The following RGS6 variants were observed in gnomAD, a reference collection of about 807,000 sequenced individuals.
RGS6 encodes the protein regulator of G protein signaling 6.
A neutral mutation model predicts 78.5 loss-of-function variants in RGS6; 30 were observed. The observed-to-expected ratio is 0.38, with a 90% confidence interval of 0.29 to 0.52. RGS6 has a LOEUF of 0.52. Among genes scored for constraint, RGS6 ranks in the 20% least tolerant of loss-of-function variants. RGS6 has a pLI of 0.85. For missense variants in RGS6, 495 were observed against 609.7 expected (o/e 0.81, Z 1.98); for synonymous variants, 206 against 206.0 (o/e 1.00, Z 0.00).
intron 2 of RGS6, chr14:72,022,319 A>C (rs186918226): frequency 2.0e-5 from 3 of 152,256 alleles, no homozygotes; most frequent in Admixed American, 6.5e-5. Context: ...GGGTCGAATG[A>C]TAGTTCTGCT....
chr14:72,518,605 A>G, intron 15 of RGS6, 68 bp downstream of exon 15: 1 of 1,445,592 alleles, frequency 6.9e-7, no homozygotes, highest in Non-Finnish European at 9.6e-7. Context: ...TGACCTATTA[A>G]CACAAGTTCA....
chr14:72,525,252 A>G (rs2097103340), intron 15 of RGS6, among the ~76,000 whole-genome samples: 1 of 152,242 alleles, frequency 6.6e-6, no homozygotes, highest in Non-Finnish European at 1.5e-5. Context: ...AGTCAAGAAA[A>G]GCAGGTTAAA....
intron 2 of RGS6, among the ~76,000 whole-genome samples, chr14:72,262,882 C>T (rs981180633): frequency 1.3e-5 from 2 of 152,178 alleles, no homozygotes. Flanking sequence ...AGCTCTGTGT[C>T]CCCCCATGTT....
intron 2 of RGS6, among the ~76,000 whole-genome samples, chr14:72,188,868 A>G (rs1466058162): frequency 6.6e-6 from 1 of 152,214 alleles, no homozygotes; most frequent in Non-Finnish European, 1.5e-5. Context: ...TGAACACTAC[A>G]GAGAAAACTC....
At chr14:72,540,289 G>C in intron 17 of RGS6, 195 bp downstream of exon 17, 1 of 1,511,800 alleles carries the variant, frequency 6.6e-7, no homozygotes, top group Non-Finnish European at 8.7e-7. Context: ...ATGCAAAAAA[G>C]AGCAAGCGGC....
intron 12 of RGS6, among the ~76,000 whole-genome samples, chr14:72,483,965 A>G (rs931321199): frequency 2.1e-5 from 3 of 141,574 alleles, no homozygotes; most frequent in Non-Finnish European, 3.2e-5. Context: ...ACCTTCTCCA[A>G]GTGAAAAAAA....
chr14:72,161,131 T>G (rs1342640016), intron 2 of RGS6, among the ~76,000 whole-genome samples: 1 of 152,108 alleles, frequency 6.6e-6, no homozygotes, highest in Non-Finnish European at 1.5e-5. Flanking sequence ...CTCAGCAAAC[T>G]AACGCGAGAA....
chr14:72,425,075 G>A (rs762129031), intron 3 of RGS6, among the ~76,000 whole-genome samples: 3 of 152,038 alleles, frequency 2.0e-5, no homozygotes, highest in East Asian at 1.9e-4. Flanking sequence ...AAAAAGTCTC[G>A]GCAATATTGC....
At chr14:72,224,885 A>G (rs1451793464) in intron 2 of RGS6, among the ~76,000 whole-genome samples, 1 of 152,148 alleles carries the variant, frequency 6.6e-6, no homozygotes, top group Non-Finnish European at 1.5e-5. Context: ...GGGAAAGGCC[A>G]TGGTTTGTGT....
intron 2 of RGS6, among the ~76,000 whole-genome samples, chr14:72,219,323 A>G (rs992181600): frequency 6.6e-6 from 1 of 152,226 alleles, no homozygotes; most frequent in East Asian, 1.9e-4. Context: ...CAAATTTGTG[A>G]ATACAGAATC....
chr14:72,156,650 T>C (rs929789032), intron 2 of RGS6, among the ~76,000 whole-genome samples: 2 of 152,016 alleles, frequency 1.3e-5, no homozygotes, highest in African/African-American at 2.4e-5. Context: ...ATGGCAAAGA[T>C]TGGGCAGATT....
intron 12 of RGS6, among the ~76,000 whole-genome samples, chr14:72,482,462 C>G (rs996302069): frequency 6.6e-6 from 1 of 152,180 alleles, no homozygotes; most frequent in Non-Finnish European, 1.5e-5. Flanking sequence ...CCCCAAAACT[C>G]AGTGGCTTAA....
At chr14:72,459,547 C>CT in intron 5 of RGS6, 85 bp from the exon 6 acceptor site, 1 of 1,276,144 alleles carries the variant, frequency 7.8e-7, no homozygotes, top group South Asian at 1.2e-5. Flanking sequence ...GGAGAGCCTG[C>CT]CATCAGGGAG....
chr14:72,600,487 G>T, the RGS6 span, among the ~76,000 whole-genome samples: 1 of 151,954 alleles, frequency 6.6e-6, no homozygotes, highest in African/African-American at 2.4e-5. Flanking sequence ...TCCTCTTCTG[G>T]AAAATGAAGG....
chr14:72,360,005 A>G (rs1295708794), intron 3 of RGS6, among the ~76,000 whole-genome samples: 1 of 152,146 alleles, frequency 6.6e-6, no homozygotes, highest in Non-Finnish European at 1.5e-5. Flanking sequence ...ATGCAGTCAT[A>G]TCTAGAGGGG....
intron 3 of RGS6, among the ~76,000 whole-genome samples, chr14:72,367,103 T>A (rs1378554359): frequency 6.6e-6 from 1 of 152,218 alleles, no homozygotes; most frequent in Non-Finnish European, 1.5e-5. Flanking sequence ...GAACCAAGAC[T>A]GGAATCTGGA....
At chr14:71,926,626 A>C in the RGS6 span, among the ~76,000 whole-genome samples, 1 of 151,832 alleles carries the variant, frequency 6.6e-6, no homozygotes, top group South Asian at 2.1e-4. Flanking sequence ...AAGAGTTGGA[A>C]AATACAGGAC....
At chr14:72,443,172 AGTG>A (rs1298986486) in intron 3 of RGS6, among the ~76,000 whole-genome samples, 1 of 152,198 alleles carries the variant, frequency 6.6e-6, no homozygotes, top group African/African-American at 2.4e-5. Flanking sequence ...AGGGAGGGTA[AGTG>A]TCAGAGACTG....
intron 2 of RGS6, among the ~76,000 whole-genome samples, chr14:72,341,028 G>C (rs1165644631): frequency 6.6e-6 from 1 of 152,090 alleles, no homozygotes; most frequent in East Asian, 1.9e-4. Flanking sequence ...GCCTTGGAAT[G>C]GGAAAAAGGA....
Sources: gnomAD v4.1 joint callset for allele counts (sites outside exome capture counted in the v4.1 genomes callset) on GRCh38, gnomAD v4.1.1 for gene constraint, MANE v1.5 for transcripts, NCBI Gene and HGNC (gene_info 2026-07-23, HGNC 2026-07-21) for gene names.